SESTD1: variants seen among roughly 807,000 people sequenced by gnomAD.
SESTD1 encodes the protein SEC14 domain and spectrin repeat-containing protein 1.
Under a neutral mutation model 101.7 loss-of-function variants are expected in SESTD1, and 43 were observed. The observed-to-expected ratio is 0.42, with a 90% CI of 0.33 to 0.55. SESTD1 has a LOEUF of 0.55. Among genes scored for constraint, SESTD1 ranks in the 20% least tolerant of loss-of-function variants. The pLI, the probability that SESTD1 is intolerant of heterozygous loss-of-function variation, is 0.07. For missense variants in SESTD1, 647 were observed against 815.1 expected (o/e 0.79, Z 2.51); for synonymous variants, 283 against 286.8 (o/e 0.99, Z 0.13).
chr2:179,232,410 T>A (rs570063355), intron 1 of SESTD1, among the ~76,000 whole-genome samples: 1 of 152,002 alleles, frequency 6.6e-6, no homozygotes, highest in Non-Finnish European at 1.5e-5. Context: ...TGGAGAATTT[T>A]AAAAATCACA....
intron 5 of SESTD1, among the ~76,000 whole-genome samples, chr2:179,162,725 T>C (rs1004979187): frequency 9.2e-5 from 14 of 151,704 alleles, no homozygotes; most frequent in African/African-American, 3.4e-4. Context: ...CGGTGGCTCA[T>C]GTCTGTAATC....
At chr2:179,133,902 G>A (rs72949484) in intron 9 of SESTD1, among the ~76,000 whole-genome samples, 13,986 of 151,396 alleles carry the variant, frequency 0.092, 911 homozygotes, top group Non-Finnish European at 0.14. Flanking sequence ...ATATATTTGG[G>A]AAAAAAAATC....
At chr2:179,121,321 A>G (rs2044745612) in intron 13 of SESTD1, among the ~76,000 whole-genome samples, 1 of 152,232 alleles carries the variant, frequency 6.6e-6, no homozygotes, top group Non-Finnish European at 1.5e-5. Flanking sequence ...AAACATCACT[A>G]GTCCACTGTT....
chr2:179,210,179 A>C (rs1345003655), intron 1 of SESTD1, among the ~76,000 whole-genome samples: 3 of 134,640 alleles, frequency 2.2e-5, no homozygotes, highest in African/African-American at 8.8e-5. Flanking sequence ...ACAAGTAGTA[A>C]GATTGAAACA....
intron 8 of SESTD1, among the ~76,000 whole-genome samples, chr2:179,146,054 C>G (rs1003822881): frequency 6.6e-6 from 1 of 150,996 alleles, no homozygotes; most frequent in Non-Finnish European, 1.5e-5. Context: ...GGCAGGCCAG[C>G]AAGCATTACT....
intron 15 of SESTD1, among the ~76,000 whole-genome samples, chr2:179,116,273 T>TA (rs371896290): frequency 0.015 from 2,125 of 139,242 alleles, 23 homozygotes; most frequent in African/African-American, 0.035. Flanking sequence ...GACTGTGTCT[T>TA]AAAAAAAAAA....
At chr2:179,157,329 C>A (rs752033994) in intron 5 of SESTD1, among the ~76,000 whole-genome samples, 23 of 152,016 alleles carry the variant, frequency 1.5e-4, no homozygotes, top group Non-Finnish European at 2.4e-4. Context: ...ACAATCCCCA[C>A]CAAAATACCA....
intron 1 of SESTD1, among the ~76,000 whole-genome samples, chr2:179,224,278 A>G (rs1469866174): frequency 6.6e-6 from 1 of 152,198 alleles, no homozygotes; most frequent in Non-Finnish European, 1.5e-5. Context: ...ACTCACAACT[A>G]TCCTACTTAG....
intron 10 of SESTD1, 97 bp from the exon 11 acceptor site, chr2:179,124,655 A>AT (rs149635563): frequency 0.011 from 11,390 of 1,011,244 alleles, 298 homozygotes; most frequent in African/African-American, 0.1. Flanking sequence ...GTAATACATG[A>AT]TTTTTTTTTT....
chr2:179,219,802 C>T (rs560753510), intron 1 of SESTD1, among the ~76,000 whole-genome samples: 5 of 152,264 alleles, frequency 3.3e-5, no homozygotes, highest in Non-Finnish European at 7.4e-5. Context: ...CAACAACAAT[C>T]CTTTGAGTAG....
rs569433481 is a variant in SESTD1, at chr2:179,203,139, C to T, written c.-25-11273G>A. The stretch of plus-strand genomic sequence containing the variant: ...CAGATGGTTAATCACAAACAACCTG[C>T]AGGCACAATGACCTTTTTCCCCTTG... On this transcript the variant is annotated intron_variant, in intron 1 of 17. Transcript: ENST00000428443. Among the ~76,000 whole-genome samples the T allele has an allele frequency of 1.5e-5, 2 of 134,766 alleles. 1 individual carries two copies. The highest frequency in any genetic ancestry group is 3.2e-5 in the Non-Finnish European group (2 of 62,678). 88.4% of individuals were successfully genotyped at this position (134,766 alleles called of 152,430 possible). A position where few individuals can be genotyped will look rare whatever the true frequency, so the allele number is the denominator to read the frequency against.
intron 10 of SESTD1, 164 bp downstream of exon 10, chr2:179,132,140 G>A (rs2105428057): frequency 1.4e-6 from 1 of 709,248 alleles, no homozygotes; most frequent in Non-Finnish European, 2.1e-6. Context: ...TAATTAACAT[G>A]TACTAAGTAA....
chr2:179,236,568 G>A (rs1405264353), intron 1 of SESTD1, among the ~76,000 whole-genome samples: 1 of 151,924 alleles, frequency 6.6e-6, no homozygotes, highest in Non-Finnish European at 1.5e-5. Flanking sequence ...AAGGGTAGAT[G>A]TTAAGAAAGC....
At chr2:179,199,052 G>C (rs548190128) in intron 1 of SESTD1, among the ~76,000 whole-genome samples, 33 of 152,002 alleles carry the variant, frequency 2.2e-4, no homozygotes, top group South Asian at 6.2e-4. Context: ...AATTGATAGA[G>C]CGCTAGCAAG....
intron 10 of SESTD1, among the ~76,000 whole-genome samples, chr2:179,126,973 C>T (rs533674199): frequency 6.6e-6 from 1 of 152,244 alleles, no homozygotes; most frequent in African/African-American, 2.4e-5. Flanking sequence ...GTCTCTGTTC[C>T]CTATTTTCCA....
chr2:179,131,483 A>C (rs1222356451), intron 10 of SESTD1, among the ~76,000 whole-genome samples: 1 of 152,142 alleles, frequency 6.6e-6, no homozygotes, highest in African/African-American at 2.4e-5. Flanking sequence ...TAACATTTTG[A>C]CCACCTTTTT....
intron 1 of SESTD1, among the ~76,000 whole-genome samples, chr2:179,223,452 T>C (rs1173286965): frequency 3.3e-5 from 5 of 151,502 alleles, no homozygotes; most frequent in African/African-American, 1.2e-4. Flanking sequence ...AGTAAAGCCA[T>C]CAAAAATAAT....
At chr2:179,216,360 C>T (rs1356575484) in intron 1 of SESTD1, among the ~76,000 whole-genome samples, 1 of 134,886 alleles carries the variant, frequency 7.4e-6, no homozygotes, top group Non-Finnish European at 1.6e-5. Context: ...AGAGCCAAAT[C>T]GTGAGTGAAC....
chr2:179,210,491 G>A lies in SESTD1; in HGVS notation c.-25-18625C>T, dbSNP rs995158060. 1.5e-5 allele frequency among the ~76,000 whole-genome samples: 2 copies of A among 134,958 alleles called. 1 individual carries two copies. Among genetic ancestry groups the A allele is most frequent in the African/African-American group, 5.9e-5 (2 of 34,118 alleles). The allele number at this position is 134,958 out of a possible 152,430, so 88.5% of individuals were successfully genotyped here. On this transcript the variant is annotated intron_variant, in intron 1 of 17. Coordinates refer to ENST00000428443, the MANE Select transcript of SESTD1 (RefSeq NM_178123.5). ...CAAAAAGATAATACACCATGACCAA[G>A]TGGGTTTCATACTAGGGATGCAGGG...
Sources: gnomAD v4.1 joint callset for allele counts (sites outside exome capture counted in the v4.1 genomes callset) on GRCh38, gnomAD v4.1.1 for gene constraint, MANE v1.5 for transcripts, NCBI Gene and HGNC (gene_info 2026-07-23, HGNC 2026-07-21) for gene names.